ADGRL3: variants seen among roughly 807,000 people sequenced by gnomAD.
ADGRL3 encodes the protein adhesion G protein-coupled receptor L3.
ADGRL3 carries 62 observed loss-of-function variants against 153.5 expected under a neutral mutation model. The observed-to-expected ratio is 0.40, with a 90% CI of 0.33 to 0.50. The LOEUF (loss-of-function observed/expected upper bound fraction) is 0.50. ADGRL3 is among the 20% of genes least tolerant of loss of function. The pLI is 0.47. For synonymous variants in ADGRL3, 710 were observed against 672.5 expected, an observed-to-expected ratio of 1.06 and a Z score of -0.86; for missense variants, 1,641 against 1,859.4, an observed-to-expected ratio of 0.88 and a Z score of 2.16.
intron 2 of ADGRL3, among the ~76,000 whole-genome samples, chr4:61,453,361 C>G (rs1484774314): frequency 6.6e-6 from 1 of 152,064 alleles, no homozygotes; most frequent in Non-Finnish European, 1.5e-5. Context: ...ATTACATTCT[C>G]AATTCTTTTC....
intron 9 of ADGRL3, among the ~76,000 whole-genome samples, chr4:61,844,937 G>C (rs1284245370): frequency 6.6e-6 from 1 of 151,946 alleles, no homozygotes; most frequent in Non-Finnish European, 1.5e-5. Flanking sequence ...AGAACCATTA[G>C]TTCCTACATG....
chr4:61,994,640 G>T (rs1018598715), intron 19 of ADGRL3, among the ~76,000 whole-genome samples: 3 of 151,818 alleles, frequency 2.0e-5, no homozygotes, highest in African/African-American at 7.3e-5. Context: ...TAGTGTATTT[G>T]CTGTCAGTAA....
At chr4:61,447,361 T>A (rs1286699596) in intron 2 of ADGRL3, among the ~76,000 whole-genome samples, 6 of 151,560 alleles carry the variant, frequency 4.0e-5, no homozygotes, top group Non-Finnish European at 2.9e-5. Flanking sequence ...CAAATCATGG[T>A]TATAAGATAA....
intron 18 of ADGRL3, among the ~76,000 whole-genome samples, chr4:61,981,493 C>G (rs1030814787): frequency 8.0e-5 from 12 of 149,490 alleles, no homozygotes; most frequent in African/African-American, 3.0e-4. Context: ...TTGCAACCTA[C>G]ATTTAGTCAT....
At chr4:61,928,738 C>A (rs2098805165) in intron 13 of ADGRL3, among the ~76,000 whole-genome samples, 1 of 152,082 alleles carries the variant, frequency 6.6e-6, no homozygotes, top group African/African-American at 2.4e-5. Context: ...ATTCACCCTG[C>A]CTCCCTCCCA....
At chr4:61,478,937 C>CT (rs916302263) in intron 2 of ADGRL3, among the ~76,000 whole-genome samples, 4 of 151,988 alleles carry the variant, frequency 2.6e-5, no homozygotes, top group Admixed American at 2.0e-4. Context: ...CTAAAAAACT[C>CT]TTAAGAGTTT....
intron 1 of ADGRL3, among the ~76,000 whole-genome samples, chr4:61,236,302 G>GC (rs909942354): frequency 1.3e-5 from 2 of 151,982 alleles, no homozygotes; most frequent in African/African-American, 4.8e-5. Flanking sequence ...GAGCCACTGT[G>GC]CCCTGCCTCT....
At chr4:61,891,216 T>C (rs142067123) in intron 9 of ADGRL3, among the ~76,000 whole-genome samples, 1 of 147,748 alleles carries the variant, frequency 6.8e-6, no homozygotes, top group Non-Finnish European at 1.5e-5. Context: ...AAGAAAAAAA[T>C]AGATGGATTT....
chr4:61,607,414 T>TGG (rs2099036604), intron 5 of ADGRL3, among the ~76,000 whole-genome samples: 2 of 152,244 alleles, frequency 1.3e-5, no homozygotes, highest in Admixed American at 1.3e-4. Flanking sequence ...CTGACCAATA[T>TGG]GGTGAAACCC....
intron 9 of ADGRL3, among the ~76,000 whole-genome samples, chr4:61,844,764 C>G (rs978688145): frequency 1.3e-5 from 2 of 151,384 alleles, no homozygotes; most frequent in African/African-American, 4.9e-5. Flanking sequence ...TTCATCTTTT[C>G]TTTGTCTTTT....
At chr4:61,329,349 A>C (rs1365878470) in intron 1 of ADGRL3, among the ~76,000 whole-genome samples, 1 of 152,202 alleles carries the variant, frequency 6.6e-6, no homozygotes, top group African/African-American at 2.4e-5. Flanking sequence ...AAAAACAGAT[A>C]ATGATATCAA....
intron 1 of ADGRL3, among the ~76,000 whole-genome samples, chr4:61,356,227 G>A (rs1244573258): frequency 6.6e-6 from 1 of 151,928 alleles, no homozygotes; most frequent in African/African-American, 2.4e-5. Context: ...TTGGTGTCTA[G>A]GTAAGGTTAT....
At chr4:61,225,448 A>T (rs1747511186) in intron 1 of ADGRL3, among the ~76,000 whole-genome samples, 1 of 152,102 alleles carries the variant, frequency 6.6e-6, no homozygotes, top group Non-Finnish European at 1.5e-5. Flanking sequence ...CTCTATTCTG[A>T]TAGGGGCATT....
chr4:61,264,355 A>G (rs1377584982), intron 1 of ADGRL3, among the ~76,000 whole-genome samples: 1 of 151,952 alleles, frequency 6.6e-6, no homozygotes, highest in African/African-American at 2.4e-5. Context: ...CCTCTCCACA[A>G]TTGGAACCCC....
intron 4 of ADGRL3, among the ~76,000 whole-genome samples, chr4:61,561,841 T>C (rs895181911): frequency 1.3e-5 from 2 of 152,058 alleles, no homozygotes; most frequent in South Asian, 4.1e-4. Flanking sequence ...GTCCTCACTA[T>C]GTTGCCCAAG....
intron 3 of ADGRL3, among the ~76,000 whole-genome samples, chr4:61,498,504 C>T (rs893716401): frequency 5.9e-5 from 9 of 151,822 alleles, no homozygotes; most frequent in Non-Finnish European, 7.4e-5. Flanking sequence ...GACCCAAGAT[C>T]GTGCCACTGC....
At chr4:61,938,609 C>G (rs893769312) in intron 15 of ADGRL3, among the ~76,000 whole-genome samples, 8 of 152,088 alleles carry the variant, frequency 5.3e-5, no homozygotes, top group African/African-American at 1.9e-4. Flanking sequence ...CGCAAGTGAA[C>G]TCTGTTGCAG....
At chr4:61,684,041 C>A (rs913787684) in intron 6 of ADGRL3, among the ~76,000 whole-genome samples, 2 of 152,080 alleles carry the variant, frequency 1.3e-5, no homozygotes, top group African/African-American at 4.8e-5. Context: ...AAACCAAAAC[C>A]ATTTGGTATT....
chr4:61,751,591 G>T (rs2096757390), intron 8 of ADGRL3, among the ~76,000 whole-genome samples: 1 of 152,142 alleles, frequency 6.6e-6, no homozygotes. Context: ...GTGGATTGCG[G>T]TATGTGTGTG....
Sources: gnomAD v4.1 joint callset for allele counts (sites outside exome capture counted in the v4.1 genomes callset) on GRCh38, gnomAD v4.1.1 for gene constraint, MANE v1.5 for transcripts, NCBI Gene and HGNC (gene_info 2026-07-23, HGNC 2026-07-21) for gene names.